Variants in DGKB observed in about 807,000 individuals in gnomAD.
DGKB encodes diacylglycerol kinase beta, also known as 90 kDa diacylglycerol kinase.
In DGKB, 67 loss-of-function variants were observed where a neutral mutation model predicts 114.3. The observed-to-expected ratio is 0.59, with a 90% CI of 0.48 to 0.72. The LOEUF (loss-of-function observed/expected upper bound fraction) is 0.72. Among genes scored for constraint, DGKB ranks in the 30% least tolerant of loss-of-function variants. The pLI is 0.00. For synonymous variants in DGKB, 398 were observed against 323.1 expected (o/e 1.23, Z -2.49); for missense variants, 907 against 975.2 (o/e 0.93, Z 0.93).
At chr7:14,206,224 G>C (rs142129860) in intron 23 of DGKB, among the ~76,000 whole-genome samples, 134 of 152,102 alleles carry the variant, frequency 8.8e-4, no homozygotes, top group Admixed American at 3.6e-3. Context: ...TGAAAAACAT[G>C]ATAGGGGTTA....
intron 21 of DGKB, among the ~76,000 whole-genome samples, chr7:14,439,865 CAAAA>C (rs756256822): frequency 2.9e-5 from 3 of 104,058 alleles, no homozygotes; most frequent in Admixed American, 2.1e-4. Context: ...ACTCTGTTTC[CAAAA>C]AAAAAAAAAA....
chr7:14,413,544 G>A (rs993120612), intron 21 of DGKB, among the ~76,000 whole-genome samples: 9 of 152,254 alleles, frequency 5.9e-5, no homozygotes, highest in Non-Finnish European at 8.8e-5. Context: ...AGCTAAAGGT[G>A]AAAGGGCCTA....
At chr7:14,311,197 A>C (rs1188485727) in intron 23 of DGKB, among the ~76,000 whole-genome samples, 1 of 152,148 alleles carries the variant, frequency 6.6e-6, no homozygotes. Context: ...CCATACTCCT[A>C]ATAGAATGAA....
chr7:14,764,740 G>A (rs918219442), intron 2 of DGKB, among the ~76,000 whole-genome samples: 4 of 151,012 alleles, frequency 2.6e-5, no homozygotes, highest in Admixed American at 6.7e-5. Flanking sequence ...ATTGCTACAC[G>A]GGGAACTTCT....
At chr7:14,468,163 C>G (rs1467475239) in intron 21 of DGKB, among the ~76,000 whole-genome samples, 4 of 152,136 alleles carry the variant, frequency 2.6e-5, no homozygotes, top group African/African-American at 9.7e-5. Context: ...AACAAAACAG[C>G]AATTGAACTC....
intron 13 of DGKB, among the ~76,000 whole-genome samples, chr7:14,653,008 G>A (rs1207685130): frequency 6.6e-6 from 1 of 151,722 alleles, no homozygotes; most frequent in South Asian, 2.1e-4. Flanking sequence ...GGAAACAACA[G>A]GTGCTGGAGT....
In DGKB at chr7:14,221,099, A is replaced by G. The variant is rs950604291; in HGVS notation, c.2123-42948T>C. On this transcript the variant is annotated intron_variant, in intron 23 of 25. Transcript: ENST00000402815. ...CTTAAGATCTCCTATATATAAGAACATGTTATGTGCAAATAGAAATAGTTT... is the reference window on the plus strand; with the variant it reads ...CTTAAGATCTCCTATATATAAGAACGTGTTATGTGCAAATAGAAATAGTTT... Among the ~76,000 whole-genome samples the G allele has an allele frequency of 2.8e-4, 42 of 151,428 alleles. 1 individual carries two copies. The highest frequency in any genetic ancestry group is 2.8e-3 in the Admixed American group (42 of 15,146).
chr7:14,357,249 C>G (rs1348956514), intron 21 of DGKB, among the ~76,000 whole-genome samples: 1 of 152,162 alleles, frequency 6.6e-6, no homozygotes, highest in Non-Finnish European at 1.5e-5. Flanking sequence ...TTGTGGGTCT[C>G]TAAGGACTTG....
At chr7:14,653,199 T>A (rs1585374186) in intron 13 of DGKB, among the ~76,000 whole-genome samples, 2 of 149,178 alleles carry the variant, frequency 1.3e-5, no homozygotes, top group East Asian at 4.0e-4. Flanking sequence ...TAAAGACACA[T>A]GCACACGTAT....
At chr7:14,769,093 GAA>G (rs1170560593) in intron 2 of DGKB, among the ~76,000 whole-genome samples, 1 of 95,990 alleles carries the variant, frequency 1.0e-5, no homozygotes, top group African/African-American at 5.0e-5. Flanking sequence ...AAGAAAGAAA[GAA>G]AGAAAGAAAG....
intron 21 of DGKB, among the ~76,000 whole-genome samples, chr7:14,379,823 GTTGGGATTA>G (rs1386945965): frequency 2.4e-4 from 37 of 151,392 alleles, no homozygotes; most frequent in Non-Finnish European, 5.0e-4. Flanking sequence ...CTCCCAAAGT[GTTGGGATTA>G]CAGGCGTGAG....
At chr7:14,458,567 G>A (rs1388038659) in intron 21 of DGKB, among the ~76,000 whole-genome samples, 2 of 152,090 alleles carry the variant, frequency 1.3e-5, no homozygotes, top group Non-Finnish European at 2.9e-5. Flanking sequence ...AGCAGGGTAG[G>A]GCGTTGCCTC....
At chr7:14,922,007 CA>C (rs1283532426) in intron 1 of DGKB, among the ~76,000 whole-genome samples, 5 of 151,880 alleles carry the variant, frequency 3.3e-5, no homozygotes, top group African/African-American at 9.7e-5. Flanking sequence ...AAATCTTTAC[CA>C]AAACCCTACA....
chr7:14,270,908 G>C (rs1798175637), intron 23 of DGKB, among the ~76,000 whole-genome samples: 1 of 152,126 alleles, frequency 6.6e-6, no homozygotes, highest in Non-Finnish European at 1.5e-5. Context: ...TTCAAGAAGA[G>C]AGAAAACTTA....
chr7:14,909,515 G>C (rs1783878141), intron 1 of DGKB, among the ~76,000 whole-genome samples: 1 of 151,922 alleles, frequency 6.6e-6, no homozygotes, highest in African/African-American at 2.4e-5. Flanking sequence ...AAAAAAAAAT[G>C]TTTTTCATTT....
At chr7:14,681,799 A>T (rs1439093544) in intron 12 of DGKB, among the ~76,000 whole-genome samples, 1 of 152,116 alleles carries the variant, frequency 6.6e-6, no homozygotes, top group East Asian at 1.9e-4. Context: ...TAGATTTGAC[A>T]GTCATTCAAA....
chr7:14,197,952 C>T (rs1008928970), intron 23 of DGKB, among the ~76,000 whole-genome samples: 1 of 152,036 alleles, frequency 6.6e-6, no homozygotes, highest in African/African-American at 2.4e-5. Context: ...ATAGATTGAT[C>T]TGCCCAAGGG....
At chr7:14,934,828 T>C (rs1349491219) in intron 1 of DGKB, among the ~76,000 whole-genome samples, 1 of 152,186 alleles carries the variant, frequency 6.6e-6, no homozygotes, top group Admixed American at 6.6e-5. Context: ...TGGTTATTGA[T>C]CTGTCCTTTG....
chr7:14,551,424 C>G lies in DGKB; in HGVS notation c.1770+22788G>C, dbSNP rs371977398. Among the ~76,000 whole-genome samples, 7 of 152,302 alleles carry G rather than the reference C, an allele frequency of 4.6e-5. No individual in the cohort carries two copies. The South Asian group carries it at 1.5e-3, about 32-fold the overall frequency. ...GTTCTACAAAAACTGGAGGACCTTTCCAGAAGCCTTTACAATTCTTATTGC... is the reference window on the plus strand; with the variant it reads ...GTTCTACAAAAACTGGAGGACCTTTGCAGAAGCCTTTACAATTCTTATTGC... On this transcript the variant is annotated intron_variant, in intron 20 of 25. Transcript: ENST00000402815.
Sources: gnomAD v4.1 joint callset for allele counts (sites outside exome capture counted in the v4.1 genomes callset) on GRCh38, gnomAD v4.1.1 for gene constraint, MANE v1.5 for transcripts, NCBI Gene and HGNC (gene_info 2026-07-23, HGNC 2026-07-21) for gene names.